Variants in SCN3A observed in about 807,000 individuals in gnomAD.
SCN3A encodes sodium voltage-gated channel alpha subunit 3.
Under a neutral mutation model 187.6 loss-of-function variants are expected in SCN3A, and 60 were observed. The observed-to-expected ratio is 0.32, with a 90% confidence interval of 0.26 to 0.40. The LOEUF is 0.40. SCN3A is among the 10% of genes least tolerant of loss of function. SCN3A has a pLI of 1.00. For synonymous variants in SCN3A, 788 were observed against 829.2 expected (o/e 0.95, Z 0.85); for missense variants, 1,601 against 2,428.2 (o/e 0.66, Z 7.16).
At chr2:165,100,270 A>G in intron 22 of SCN3A, 32 bp downstream of exon 22, 1 of 1,608,836 alleles carries the variant, frequency 6.2e-7, no homozygotes, top group Non-Finnish European at 8.5e-7. Flanking sequence ...TGTAATTTTG[A>G]CATGAATAAT....
At chr2:165,122,613 C>T (rs1449209084) in intron 18 of SCN3A, among the ~76,000 whole-genome samples, 1 of 152,146 alleles carries the variant, frequency 6.6e-6, no homozygotes, top group Non-Finnish European at 1.5e-5. Context: ...AATTAGAAAA[C>T]TCATTAGCAG....
In SCN3A at chr2:165,162,796, A is replaced by C; in HGVS notation, c.727T>G (p.Ser243Ala). The C allele has an allele frequency of 6.2e-7, 1 of 1,614,100 alleles. No individual in the cohort carries two copies. Among genetic ancestry groups the C allele is most frequent in the Non-Finnish European group, 8.5e-7 (1 of 1,179,996 alleles). ...ATCACATCAGAAAGCTTCTTTACCG[A>C]CTGGATCAGGGCCCCCACAATGGTC... Reference protein sequence around the residue: ...LKTIVGALIQSVKKLSDVMIL... With the variant: ...LKTIVGALIQAVKKLSDVMIL... Residue 243 changes from serine to alanine, a missense_variant, in exon 8 of 28, where the codon TCG becomes GCG. By Grantham distance (99) the Ser-to-Ala change is moderately conservative. Coordinates refer to ENST00000283254, the MANE Select transcript of SCN3A (RefSeq NM_006922.4).
intron 1 of SCN3A, among the ~76,000 whole-genome samples, chr2:165,190,177 C>A (rs768245283): frequency 3.3e-5 from 5 of 152,126 alleles, no homozygotes; most frequent in Admixed American, 3.3e-4. Flanking sequence ...GGCAAATCAC[C>A]AAGATATTAG....
At chr2:165,104,481 G>T (rs1038512793) in intron 21 of SCN3A, among the ~76,000 whole-genome samples, 1 of 151,138 alleles carries the variant, frequency 6.6e-6, no homozygotes, top group African/African-American at 2.4e-5. Context: ...TTTCAGGTTG[G>T]TCAAAAATTG....
At chr2:165,137,285 T>A (rs1350285556) in intron 15 of SCN3A, among the ~76,000 whole-genome samples, 3 of 152,176 alleles carry the variant, frequency 2.0e-5, no homozygotes, top group Non-Finnish European at 4.4e-5. Context: ...AAGCTCTTGA[T>A]TAATAATATA....
At chr2:165,126,491 T>C (rs977380991) in intron 18 of SCN3A, among the ~76,000 whole-genome samples, 1 of 145,268 alleles carries the variant, frequency 6.9e-6, no homozygotes, top group Non-Finnish European at 1.5e-5. Context: ...CCTTCTTTTC[T>C]TTCTTTCTTT....
chr2:165,174,877 T>C, intron 3 of SCN3A, among the ~76,000 whole-genome samples: 1 of 152,234 alleles, frequency 6.6e-6, no homozygotes, highest in East Asian at 1.9e-4. Context: ...GTTTAGCTAT[T>C]TACATGTAGT....
At chr2:165,198,786 A>C (rs2105992509) in intron 1 of SCN3A, among the ~76,000 whole-genome samples, 1 of 152,152 alleles carries the variant, frequency 6.6e-6, no homozygotes, top group South Asian at 2.1e-4. Flanking sequence ...TATAAATTCC[A>C]TGAAAAGAAA....
chr2:165,115,304 C>G, intron 19 of SCN3A, 151 bp downstream of exon 19: 3 of 797,904 alleles, frequency 3.8e-6, no homozygotes, highest in Non-Finnish European at 6.3e-6. Flanking sequence ...TGGGGTCAAG[C>G]AATCCTCCTA....
chr2:165,092,192 A>G lies in SCN3A; in HGVS notation c.4807+62T>C. ...GACCTAATTTCCATGTTAATCAGCT[A>G]GAAGGTCCTGGGGCAACTGTTTCTC... On this transcript the variant is annotated intron_variant, in intron 27 of 27. Transcript: ENST00000283254. The surrounding 1 kb of genome is among the most constrained non-coding windows in gnomAD (Gnocchi z 4.2). 6 of 1,502,558 alleles carry G rather than the reference A, an allele frequency of 4.0e-6. No homozygotes were observed. The highest frequency in any genetic ancestry group is 5.6e-6 in the Non-Finnish European group (6 of 1,079,078). The allele number at this position is 1,502,558 out of a possible 1,614,324, so 93.1% of individuals were successfully genotyped here.
intron 18 of SCN3A, among the ~76,000 whole-genome samples, chr2:165,122,230 C>CTTTCTTT (rs1686718745): frequency 8.8e-5 from 10 of 113,918 alleles, no homozygotes; most frequent in Non-Finnish European, 1.4e-4. Flanking sequence ...TTCTTTCTTT[C>CTTTCTTT]TTTTTTTTCT....
chr2:165,179,468 T>G (rs186038249), intron 2 of SCN3A: 31 of 152,364 alleles, frequency 2.0e-4, no homozygotes, highest in Admixed American at 1.2e-3. Context: ...TTTTCACAAA[T>G]TATTCTGATT....
chr2:165,106,204 C>T (rs930577619), intron 21 of SCN3A, among the ~76,000 whole-genome samples: 19 of 152,080 alleles, frequency 1.2e-4, no homozygotes, highest in South Asian at 6.2e-4. Context: ...ATTCCAAACA[C>T]TATGTGCAGT....
intron 4 of SCN3A, among the ~76,000 whole-genome samples, chr2:165,169,155 A>G (rs543423627): frequency 2.8e-4 from 42 of 152,084 alleles, no homozygotes; most frequent in African/African-American, 1.0e-3. Context: ...ATAGTATGCC[A>G]TAAGTGTAAA....
intron 15 of SCN3A, among the ~76,000 whole-genome samples, chr2:165,132,077 C>A (rs974438517): frequency 6.6e-6 from 1 of 151,782 alleles, no homozygotes; most frequent in Admixed American, 6.6e-5. Context: ...TTACAAGGGA[C>A]GTGAAGGACC....
At chr2:165,173,466 C>T (rs549155333) in intron 3 of SCN3A, among the ~76,000 whole-genome samples, 10 of 152,176 alleles carry the variant, frequency 6.6e-5, no homozygotes, top group African/African-American at 2.2e-4. Context: ...TAAATGAGTT[C>T]AAGAACTTAG....
At chr2:165,139,378 G>T (rs897419664) in intron 14 of SCN3A, 98 bp downstream of exon 14, 1 of 1,534,560 alleles carries the variant, frequency 6.5e-7, no homozygotes, top group South Asian at 1.1e-5. Context: ...ATATAGTTTC[G>T]ATCTGGGTAA....
intron 15 of SCN3A, among the ~76,000 whole-genome samples, chr2:165,132,149 G>A (rs1687369118): frequency 6.6e-6 from 1 of 152,104 alleles, no homozygotes; most frequent in Non-Finnish European, 1.5e-5. Context: ...ACAAATGGAA[G>A]AACATTCGAT....
chr2:165,130,823 A>G (rs1687271501), intron 16 of SCN3A, among the ~76,000 whole-genome samples: 1 of 152,130 alleles, frequency 6.6e-6, no homozygotes, highest in African/African-American at 2.4e-5. Flanking sequence ...AAAGTTTTTT[A>G]TACAATTATT....
Sources: allele counts gnomAD v4.1 joint callset (sites outside exome capture counted in the v4.1 genomes callset), GRCh38; gene constraint gnomAD v4.1.1; non-coding constraint Gnocchi (gnomAD v3.1); transcripts MANE v1.5; gene names NCBI Gene and HGNC (gene_info 2026-07-23, HGNC 2026-07-21).